The following SCYL2 variants were observed in gnomAD, a reference collection of about 807,000 sequenced individuals.
The protein encoded by SCYL2 is SCY1 like pseudokinase 2, also known as SCY1-like protein 2.
In SCYL2, 36 loss-of-function variants were observed where a neutral mutation model predicts 100.4. That is an observed-to-expected ratio of 0.36 (90% CI 0.27 to 0.47). The LOEUF (loss-of-function observed/expected upper bound fraction) is 0.47, where lower values mean the gene tolerates loss of function less well. SCYL2 is among the 20% of genes least tolerant of loss of function. The pLI, the probability that SCYL2 is intolerant of heterozygous loss-of-function variation, is 1.00. For synonymous variants in SCYL2, 330 were observed against 359.2 expected (o/e 0.92, Z 0.92); for missense variants, 902 against 1,083.9 (o/e 0.83, Z 2.36).
chr12:100,329,266 G>T lies in SCYL2; in HGVS notation c.1708G>T (p.Val570Leu), dbSNP rs769209193. 3 of 1,609,688 alleles carry T rather than the reference G, an allele frequency of 1.9e-6. No individual in the cohort carries two copies. In the Admixed American group the frequency reaches 5.0e-5, roughly 27 times the overall value. ...CACCAAAGAGCAGCTGGCCGGAAAA[G>T]TGTTGCCTCATCTTATTCCCCTGAG... ...GITKEQLAGK[V>L]LPHLIPLSIE... The change falls in exon 13 of 18, where the codon GTG becomes TTG. Residue 570 changes from valine (V) to leucine (L), a missense_variant. Physicochemically the swap from Val to Leu is conservative, Grantham distance 32 (BLOSUM62 1). Transcript: ENST00000360820.
intron 10 of SCYL2, among the ~76,000 whole-genome samples, chr12:100,320,254 C>T (rs768811898): frequency 7.9e-5 from 12 of 152,030 alleles, no homozygotes; most frequent in Admixed American, 3.3e-4. Context: ...TATTAAGTTC[C>T]TCATCCCGGG....
At chr12:100,320,382 T>C (rs1055157040) in intron 10 of SCYL2, among the ~76,000 whole-genome samples, 7 of 151,448 alleles carry the variant, frequency 4.6e-5, no homozygotes, top group African/African-American at 1.7e-4. Flanking sequence ...CCGTCTCTAC[T>C]AAAAAAATAC....
chr12:100,296,380 C>G (rs1156488632), intron 3 of SCYL2, among the ~76,000 whole-genome samples: 1 of 152,028 alleles, frequency 6.6e-6, no homozygotes, highest in Non-Finnish European at 1.5e-5. Flanking sequence ...GAGTCACTTA[C>G]AGGCAGTAAT....
chr12:100,287,366 A>G (rs2096305514), intron 2 of SCYL2, among the ~76,000 whole-genome samples: 3 of 152,088 alleles, frequency 2.0e-5, no homozygotes, highest in African/African-American at 7.2e-5. Context: ...GCACAACCGT[A>G]GCCTACAGCC....
rs2096297553 is a variant in SCYL2, at chr12:100,281,019, G to GTTTTGTTTTTTTT, written c.-28-1920_-28-1919insGTTTTTTTTTTTT. ...ATTTTATTGTCCCTTTACCATCAGT[G>GTTTTGTTTTTTTT]TTTTTTTTTTTTTTTTTTTTTTTTT... On this transcript the variant is annotated intron_variant, in intron 1 of 17. Transcript: ENST00000360820. Among the ~76,000 whole-genome samples, 88 of 50,496 alleles carry GTTTTGTTTTTTTT rather than the reference G, an allele frequency of 1.7e-3. 3 individuals are homozygous for GTTTTGTTTTTTTT. Among genetic ancestry groups the GTTTTGTTTTTTTT allele is most frequent in the African/African-American group, 6.0e-3 (87 of 14,526 alleles). 33.1% of individuals were successfully genotyped at this position (50,496 alleles called of 152,430 possible). A position where few individuals can be genotyped will look rare whatever the true frequency, so the allele number is the denominator to read the frequency against.
In SCYL2 at chr12:100,317,982, A is replaced by G. The variant is rs189472634; in HGVS notation, c.1395+57A>G. 2.7e-6 allele frequency: 4 copies of G among 1,473,712 alleles called. No individual in the cohort carries two copies. The East Asian group carries it at 9.5e-5, about 35-fold the overall frequency. 91.3% of individuals were successfully genotyped at this position (1,473,712 alleles called of 1,614,324 possible). A position where few individuals can be genotyped will look rare whatever the true frequency, so the allele number is the denominator to read the frequency against. ...TGATTTTGATTCTTAAAGCAGAAGA[A>G]GAGGTATAAAGTACATTTTGGATTT... On this transcript the variant is annotated intron_variant, in intron 10 of 17. Transcript: ENST00000360820.
At chr12:100,279,747 C>A (rs1186929328) in intron 1 of SCYL2, among the ~76,000 whole-genome samples, 1 of 152,330 alleles carries the variant, frequency 6.6e-6, no homozygotes, top group East Asian at 1.9e-4. Context: ...ACTCACTACT[C>A]TGGCTGATGA....
At chr12:100,296,580 C>T (rs998590858) in intron 3 of SCYL2, among the ~76,000 whole-genome samples, 2 of 151,718 alleles carry the variant, frequency 1.3e-5, no homozygotes, top group African/African-American at 4.8e-5. Context: ...CTGGGGAATA[C>T]AGAATAAAAA....
chr12:100,329,842 G>A (rs1231468257), intron 13 of SCYL2, among the ~76,000 whole-genome samples: 1 of 152,172 alleles, frequency 6.6e-6, no homozygotes, highest in Non-Finnish European at 1.5e-5. Context: ...GCAAGATTCA[G>A]TTGCTTTTGG....
intron 1 of SCYL2, among the ~76,000 whole-genome samples, chr12:100,281,063 C>G (rs955918230): frequency 2.7e-5 from 3 of 109,266 alleles, no homozygotes; most frequent in Non-Finnish European, 3.3e-5. Context: ...TAGAGCCTGG[C>G]TGTCACCCAG....
At chr12:100,306,093 A>G (rs59555296) in intron 4 of SCYL2, among the ~76,000 whole-genome samples, 1 of 152,308 alleles carries the variant, frequency 6.6e-6, no homozygotes, top group African/African-American at 2.4e-5. Context: ...AACTGGTACC[A>G]TTCCTTCTGA....
intron 4 of SCYL2, 48 bp from the exon 5 acceptor site, chr12:100,310,996 A>G (rs766209482): frequency 2.8e-6 from 4 of 1,421,000 alleles, no homozygotes; most frequent in Non-Finnish European, 1.9e-6. Flanking sequence ...TTTTATTATA[A>G]TTGAAAGGAG....
chr12:100,316,375 G>C (rs982360535), intron 9 of SCYL2, among the ~76,000 whole-genome samples: 1 of 152,250 alleles, frequency 6.6e-6, no homozygotes, highest in Non-Finnish European at 1.5e-5. Context: ...AGTATGACTT[G>C]TGTCGTTGCC....
intron 13 of SCYL2, among the ~76,000 whole-genome samples, chr12:100,330,017 C>T (rs1166697359): frequency 1.3e-5 from 2 of 152,158 alleles, no homozygotes; most frequent in Non-Finnish European, 2.9e-5. Flanking sequence ...GGAAGTGATA[C>T]CCCATCACCT....
chr12:100,301,954 T>C (rs1268305062), intron 4 of SCYL2, among the ~76,000 whole-genome samples: 1 of 152,206 alleles, frequency 6.6e-6, no homozygotes, highest in Non-Finnish European at 1.5e-5. Context: ...CAGGGCCCGA[T>C]GGCTCTTTAA....
chr12:100,329,500 A>T (rs759104313), intron 13 of SCYL2, among the ~76,000 whole-genome samples, 181 bp downstream of exon 13: 4 of 152,186 alleles, frequency 2.6e-5, no homozygotes, highest in Admixed American at 6.5e-5. Context: ...ATTGGTAAAT[A>T]GTAAATGAGC....
intron 2 of SCYL2, among the ~76,000 whole-genome samples, chr12:100,287,015 A>T (rs2096305126): frequency 6.6e-6 from 1 of 152,120 alleles, no homozygotes; most frequent in Non-Finnish European, 1.5e-5. Context: ...TCCCAAAATC[A>T]GATGAAAAAT....
At chr12:100,306,642 G>A (rs1478720970) in intron 4 of SCYL2, among the ~76,000 whole-genome samples, 2 of 152,104 alleles carry the variant, frequency 1.3e-5, no homozygotes, top group Non-Finnish European at 2.9e-5. Flanking sequence ...GGAAATTCTG[G>A]CCAGGGCAAT....
intron 10 of SCYL2, among the ~76,000 whole-genome samples, chr12:100,318,154 A>G (rs1035224148): frequency 1.3e-5 from 2 of 152,162 alleles, no homozygotes; most frequent in Admixed American, 1.3e-4. Flanking sequence ...TGTGTACATA[A>G]TACCTGCATT....
Sources: allele counts gnomAD v4.1 joint callset (sites outside exome capture counted in the v4.1 genomes callset), GRCh38; gene constraint gnomAD v4.1.1; transcripts MANE v1.5; gene names NCBI Gene and HGNC (gene_info 2026-07-23, HGNC 2026-07-21).